DENND1A: variants seen among roughly 807,000 people sequenced by gnomAD.
DENND1A encodes the protein DENN domain-containing protein 1A.
DENND1A carries 51 observed loss-of-function variants against 113.7 expected under a neutral mutation model. The observed-to-expected ratio is 0.45, with a 90% CI of 0.36 to 0.57. The LOEUF is 0.57. Ranked by LOEUF, DENND1A falls within the 20% of genes least tolerant of loss-of-function variation. DENND1A has a pLI of 0.00. For missense variants in DENND1A, 1,258 were observed against 1,395.9 expected, an observed-to-expected ratio of 0.90 and a Z score of 1.57; for synonymous variants, 565 against 570.8, an observed-to-expected ratio of 0.99 and a Z score of 0.14.
rs183945719 is a variant in DENND1A at position 123,568,940 on chromosome 9, T to C, written c.868-11245A>G. 2.0e-5 allele frequency among the ~76,000 whole-genome samples: 3 copies of C among 152,332 alleles called. No individual in the cohort carries two copies. In the East Asian group the frequency reaches 5.8e-4, roughly 29 times the overall value. On this transcript the variant is annotated intron_variant, in intron 12 of 23. Coordinates refer to ENST00000394215, the MANE Select transcript of DENND1A (RefSeq NM_001352964.2). ...AAAAGAGCTGACAGAAATTCAATTC[T>C]TGCAAAGAAAAGCATCTGCTCTCTA...
rs201509823 is a variant in DENND1A at position 123,924,496 on chromosome 9, C to CAAA, written c.17+5390_17+5392dup. On this transcript the variant is annotated intron_variant, in intron 1 of 23. Coordinates refer to ENST00000394215, the MANE Select transcript of DENND1A (RefSeq NM_001352964.2). The stretch of plus-strand genomic sequence containing the variant: ...GGCCAACATGGTGAAACTAAAAATA[C>CAAA]AAAAACTAGTCAGGCATGGTGGCGG... Among the ~76,000 whole-genome samples, 1,104 of 151,994 alleles carry CAAA rather than the reference C, an allele frequency of 7.3e-3. 3 individuals are homozygous for CAAA. The highest frequency in any genetic ancestry group is 0.011 in the Admixed American group (171 of 15,254).
In DENND1A at chr9:123,668,978, A is replaced by C. The variant is rs117543411; in HGVS notation, c.454-1899T>G. On this transcript the variant is annotated intron_variant, in intron 7 of 23. Transcript: ENST00000394215. ...TTATGTAGCTCAGCAAATTCACTTA[A>C]TAGCACAGAACCTGTTTTTGAATCT... Among the ~76,000 whole-genome samples, 671 of 152,356 alleles carry C rather than the reference A, an allele frequency of 4.4e-3. 4 individuals are homozygous for C. The highest frequency in any genetic ancestry group is 4.8e-3 in the Non-Finnish European group (327 of 68,026).
intron 2 of DENND1A, among the ~76,000 whole-genome samples, chr9:123,856,382 G>A (rs903991581): frequency 6.6e-6 from 1 of 152,098 alleles, no homozygotes; most frequent in Non-Finnish European, 1.5e-5. Context: ...TGTGACAAGG[G>A]TGCCCACAGA....
intron 9 of DENND1A, among the ~76,000 whole-genome samples, chr9:123,651,398 GTGCGCACA>G (rs1194000700): frequency 2.6e-5 from 4 of 151,792 alleles, no homozygotes; most frequent in African/African-American, 9.7e-5. Context: ...ACGTACACAC[GTGCGCACA>G]TGCGCGCACA....
chr9:123,818,546 A>G (rs1837926163), intron 2 of DENND1A, among the ~76,000 whole-genome samples: 3 of 148,314 alleles, frequency 2.0e-5, no homozygotes, highest in South Asian at 4.2e-4. Flanking sequence ...ACACACACAC[A>G]CACACACACA....
chr9:123,637,953 GCA>G (rs10539798), intron 9 of DENND1A, among the ~76,000 whole-genome samples: 140,655 of 147,864 alleles, frequency 0.95, 66,922 homozygotes, highest in East Asian at 0.99. Context: ...ACACACACGC[GCA>G]CACACACACA....
At chr9:123,494,170 G>A (rs2051647722) in intron 13 of DENND1A, among the ~76,000 whole-genome samples, 1 of 152,174 alleles carries the variant, frequency 6.6e-6, no homozygotes, top group African/African-American at 2.4e-5. Flanking sequence ...TGCTGGAAGA[G>A]GCTCCAAAGA....
chr9:123,568,983 T>C (rs1252775027), intron 12 of DENND1A, among the ~76,000 whole-genome samples: 3 of 152,188 alleles, frequency 2.0e-5, no homozygotes, highest in Non-Finnish European at 2.9e-5. Flanking sequence ...CGGCCAAATA[T>C]TAAGCAGTTT....
chr9:123,862,127 T>C (rs546604931), intron 2 of DENND1A, among the ~76,000 whole-genome samples: 1 of 152,304 alleles, frequency 6.6e-6, no homozygotes, highest in South Asian at 2.1e-4. Context: ...TTAAAGGCCA[T>C]TGGGTTTAAT....
intron 5 of DENND1A, among the ~76,000 whole-genome samples, chr9:123,748,450 C>T (rs76815748): frequency 8.5e-5 from 13 of 152,238 alleles, no homozygotes; most frequent in East Asian, 1.9e-4. Flanking sequence ...CATGGTACTA[C>T]GATTTTTCTG....
At chr9:123,696,089 C>G (rs943373769) in intron 5 of DENND1A, among the ~76,000 whole-genome samples, 1 of 151,536 alleles carries the variant, frequency 6.6e-6, no homozygotes, top group Non-Finnish European at 1.5e-5. Flanking sequence ...ACTTCAAAAT[C>G]AGCTCATTAC....
intron 13 of DENND1A, among the ~76,000 whole-genome samples, chr9:123,494,264 C>T (rs529582590): frequency 7.2e-5 from 11 of 152,164 alleles, no homozygotes; most frequent in Non-Finnish European, 1.5e-4. Flanking sequence ...TGGAGCAGTG[C>T]GAAGCATATG....
chr9:123,425,004 C>A (rs2045602716), intron 19 of DENND1A, among the ~76,000 whole-genome samples: 1 of 152,214 alleles, frequency 6.6e-6, no homozygotes, highest in African/African-American at 2.4e-5. Context: ...GGGCTAGGGA[C>A]TGATGGTGGA....
chr9:123,497,072 A>G (rs1336868807), intron 13 of DENND1A, among the ~76,000 whole-genome samples: 1 of 152,176 alleles, frequency 6.6e-6, no homozygotes, highest in Non-Finnish European at 1.5e-5. Context: ...AACTTTTAAC[A>G]TGAACCCAGG....
Position 123,575,871 on chromosome 9 carries a change from T to C in DENND1A, c.867+7298A>G, listed in dbSNP as rs111492888. On this transcript the variant is annotated intron_variant, in intron 12 of 23. Transcript: ENST00000394215. ...TCTATTTGACTCTTCATATTTAAAG[T>C]AGAATTCTTACAGAAATTATACAAT... Among the ~76,000 whole-genome samples the C allele has an allele frequency of 4.6e-5, 7 of 152,376 alleles. No homozygotes were observed. The East Asian group carries it at 1.3e-3, about 29-fold the overall frequency.
chr9:123,588,533 T>C (rs2059299839), intron 11 of DENND1A, among the ~76,000 whole-genome samples: 1 of 144,690 alleles, frequency 6.9e-6, no homozygotes, highest in African/African-American at 2.6e-5. Flanking sequence ...GGAAGGAGAA[T>C]TGCTTGGACC....
At chr9:123,663,089 C>T (rs186190438) in intron 8 of DENND1A, among the ~76,000 whole-genome samples, 117 of 152,278 alleles carry the variant, frequency 7.7e-4, no homozygotes, top group East Asian at 3.1e-3. Flanking sequence ...TGTAGTACTA[C>T]ATGTTTTTAA....
chr9:123,450,761 A>G lies in DENND1A; in HGVS notation c.1300-12T>C. On this transcript the variant is annotated splice_polypyrimidine_tract_variant and intron_variant, in intron 17 of 23. Transcript: ENST00000394215. Reference sequence around the variant, plus strand: ...GCATGATCTTTTGCCTGCATGAAAAATTAATTTAAGTTAAGATTCCCTTTC... The same window carrying G: ...GCATGATCTTTTGCCTGCATGAAAAGTTAATTTAAGTTAAGATTCCCTTTC... 1.9e-6 allele frequency: 3 copies of G among 1,607,618 alleles called. No homozygotes were observed. Among genetic ancestry groups the G allele is most frequent in the Non-Finnish European group, 2.5e-6 (3 of 1,177,478 alleles).
chr9:123,708,691 T>A (rs115095481), intron 5 of DENND1A, among the ~76,000 whole-genome samples: 1 of 152,314 alleles, frequency 6.6e-6, no homozygotes, highest in African/African-American at 2.4e-5. Flanking sequence ...TAGTTTCTTA[T>A]AGCACCTTCA....
Sources: allele counts gnomAD v4.1 joint callset (sites outside exome capture counted in the v4.1 genomes callset), GRCh38; gene constraint gnomAD v4.1.1; transcripts MANE v1.5; gene names NCBI Gene and HGNC (gene_info 2026-07-23, HGNC 2026-07-21).